Variants in AR observed in about 807,000 individuals in gnomAD.
The protein encoded by AR is dihydrotestosterone receptor.
In AR, 8 loss-of-function variants were observed where a neutral mutation model predicts 53.9. The observed-to-expected ratio is 0.15, with a 90% CI of 0.09 to 0.27. The LOEUF is 0.27. Ranked by LOEUF, AR falls within the 10% of genes least tolerant of loss-of-function variation. AR has a pLI of 1.00. For missense variants in AR, 639 were observed against 742.5 expected (o/e 0.86, Z 1.62); for synonymous variants, 359 against 316.4 (o/e 1.13, Z -1.43).
At chrX:67,571,622 A>G (rs1921817427) in intron 1 of AR, among the ~76,000 whole-genome samples, 1 of 111,814 alleles carries the variant, frequency 8.9e-6, no homozygotes, top group African/African-American at 3.2e-5. Context: ...AAAAGAGTAC[A>G]AATGTTTCAT....
chrX:67,583,281 A>G (rs971684913), intron 1 of AR, among the ~76,000 whole-genome samples: 1 of 112,103 alleles, frequency 8.9e-6, no homozygotes, highest in African/African-American at 3.2e-5. Context: ...TAAAAGAACC[A>G]CATTCTATTC....
At chrX:67,604,432 C>T (rs1038103184) in intron 1 of AR, among the ~76,000 whole-genome samples, 12 of 110,383 alleles carry the variant, frequency 1.1e-4, no homozygotes, top group Middle Eastern at 4.7e-3. Flanking sequence ...TCACTGTGCC[C>T]GAAGGTTACT....
At position 67,642,684 on chromosome X, in the gene AR, C is replaced by G. The variant is rs111757648; in HGVS notation, c.1617-572C>G. Among the ~76,000 whole-genome samples, 324 of 111,862 alleles carry G rather than the reference C, an allele frequency of 2.9e-3. 1 individual carries two copies. Among genetic ancestry groups the G allele is most frequent in the African/African-American group, 9.9e-3 (306 of 30,809 alleles). On this transcript the variant is annotated intron_variant, in intron 1 of 7. Transcript: ENST00000374690. Reference sequence around the variant, plus strand: ...AAAGAACAAGACTTTTATGATAATACTAATCACGATCCTTGTGTATTTATT... The same window carrying G: ...AAAGAACAAGACTTTTATGATAATAGTAATCACGATCCTTGTGTATTTATT...
chrX:67,637,093 T>TA (rs1387024843), intron 1 of AR, among the ~76,000 whole-genome samples: 1 of 111,656 alleles, frequency 9.0e-6, no homozygotes, highest in Non-Finnish European at 1.9e-5. Flanking sequence ...TCGATTTCTT[T>TA]AAAAAACATT....
intron 1 of AR, among the ~76,000 whole-genome samples, chrX:67,547,323 G>A: frequency 9.0e-6 from 1 of 111,690 alleles, no homozygotes; most frequent in Admixed American, 9.5e-5. Context: ...TGTGTGAAAG[G>A]GTGAACTTCT....
At chrX:67,708,155 G>A (rs569634013) in intron 3 of AR, among the ~76,000 whole-genome samples, 24 of 111,351 alleles carry the variant, frequency 2.2e-4, no homozygotes, top group East Asian at 8.5e-4. Context: ...TCTTTGTGGC[G>A]TTCTCTGTAT....
At chrX:67,704,643 T>G (rs1168299827) in intron 3 of AR, among the ~76,000 whole-genome samples, 3 of 111,929 alleles carry the variant, frequency 2.7e-5, no homozygotes, top group East Asian at 2.8e-4. Context: ...AGAAGCTCTT[T>G]AGTTTAATTA....
intron 1 of AR, among the ~76,000 whole-genome samples, chrX:67,589,732 A>G (rs1325399088): frequency 9.0e-6 from 1 of 111,648 alleles, no homozygotes; most frequent in African/African-American, 3.3e-5. Flanking sequence ...CATGGCAGCC[A>G]TGCCTTTGGT....
chrX:67,599,722 T>C (rs1923256208), intron 1 of AR, among the ~76,000 whole-genome samples: 1 of 112,442 alleles, frequency 8.9e-6, no homozygotes, highest in African/African-American at 3.2e-5. Flanking sequence ...AGATTTTCTT[T>C]TTAGAGATTT....
chrX:67,557,452 T>TA (rs1477847782), intron 1 of AR, among the ~76,000 whole-genome samples: 1 of 112,380 alleles, frequency 8.9e-6, no homozygotes, highest in Non-Finnish European at 1.9e-5. Context: ...TTTTGACTTA[T>TA]AAAGTTTGAA....
chrX:67,696,711 C>G (rs933470345), intron 3 of AR, among the ~76,000 whole-genome samples: 3 of 111,197 alleles, frequency 2.7e-5, no homozygotes, highest in African/African-American at 9.8e-5. Flanking sequence ...CATTTGGTTG[C>G]ACTCCCTACT....
chrX:67,589,018 C>G (rs751223755), intron 1 of AR, among the ~76,000 whole-genome samples: 1 of 112,753 alleles, frequency 8.9e-6, no homozygotes, highest in Non-Finnish European at 1.9e-5. Flanking sequence ...AAGGGACATG[C>G]CTGTGTTGCT....
chrX:67,582,150 T>A (rs1266185319), intron 1 of AR, among the ~76,000 whole-genome samples: 1 of 112,371 alleles, frequency 8.9e-6, no homozygotes, highest in Non-Finnish European at 1.9e-5. Flanking sequence ...GTGATAAATG[T>A]ATGCACATTT....
chrX:67,648,033 G>A (rs1046852870), intron 2 of AR, among the ~76,000 whole-genome samples: 2 of 111,999 alleles, frequency 1.8e-5, no homozygotes, highest in African/African-American at 6.5e-5. Context: ...TTGTTGACCT[G>A]TGCTTTAGCT....
intron 1 of AR, among the ~76,000 whole-genome samples, chrX:67,640,500 T>C (rs1335225366): frequency 5.4e-5 from 6 of 111,494 alleles, no homozygotes; most frequent in Non-Finnish European, 1.1e-4. Context: ...TTTCAGAACT[T>C]GTTATAGTTC....
chrX:67,601,485 C>T (rs1160196394), intron 1 of AR, among the ~76,000 whole-genome samples: 2 of 111,720 alleles, frequency 1.8e-5, no homozygotes, highest in Non-Finnish European at 3.8e-5. Context: ...AACCTGTCTT[C>T]TGATGCTTGA....
chrX:67,675,940 G>A (rs144612289), intron 2 of AR, among the ~76,000 whole-genome samples: 294 of 111,306 alleles, frequency 2.6e-3, no homozygotes, highest in African/African-American at 9.1e-3. Context: ...AAGGGCGCTT[G>A]GAATCAGAAA....
chrX:67,603,867 G>A (rs1348057511), intron 1 of AR, among the ~76,000 whole-genome samples: 3 of 111,054 alleles, frequency 2.7e-5, no homozygotes, highest in Non-Finnish European at 5.7e-5. Flanking sequence ...ATTTAGAAGA[G>A]TTGTTTTGGA....
intron 3 of AR, chrX:67,696,092 T>G (rs902032113): frequency 2.7e-5 from 20 of 748,393 alleles, no homozygotes; most frequent in Non-Finnish European, 3.1e-5. Context: ...ATTTTCTTAT[T>G]TACAACAGAC....
Sources: gnomAD v4.1 joint callset for allele counts (sites outside exome capture counted in the v4.1 genomes callset) on GRCh38, gnomAD v4.1.1 for gene constraint, MANE v1.5 for transcripts, NCBI Gene and HGNC (gene_info 2026-07-23, HGNC 2026-07-21) for gene names.